PRKCZ: variants seen among roughly 807,000 people sequenced by gnomAD.
PRKCZ encodes protein kinase C zeta, also known as protein kinase C zeta type.
A neutral mutation model predicts 79.5 loss-of-function variants in PRKCZ; 33 were observed. The observed-to-expected ratio is 0.41, with a 90% confidence interval of 0.31 to 0.55. The LOEUF (loss-of-function observed/expected upper bound fraction) is 0.55. Among genes scored for constraint, PRKCZ ranks in the 20% least tolerant of loss-of-function variants. The pLI, the probability that PRKCZ is intolerant of heterozygous loss-of-function variation, is 0.19. For missense variants in PRKCZ, 578 were observed against 813.5 expected (o/e 0.71, Z 3.52); for synonymous variants, 342 against 320.9 (o/e 1.07, Z -0.70).
At position 2,174,107 on chromosome 1, in the gene PRKCZ, C is replaced by T. The variant is rs1684990351; in HGVS notation, c.1405+91C>T. The T allele has an allele frequency of 6.9e-6, 10 of 1,444,960 alleles. No homozygotes were observed. The highest frequency in any genetic ancestry group is 2.9e-5 in the African/African-American group (2 of 69,360). The allele number at this position is 1,444,960 out of a possible 1,614,324, so 89.5% of individuals were successfully genotyped here. ...GCAGGTGGAGGGGTCCCGCGGGTGCCTGGAGCGGCAGTGCCATGCAAAGCG... is the reference window on the plus strand; with the variant it reads ...GCAGGTGGAGGGGTCCCGCGGGTGCTTGGAGCGGCAGTGCCATGCAAAGCG... On this transcript the variant is annotated intron_variant, in intron 14 of 17. Transcript: ENST00000378567. The surrounding 1 kb of genome is among the most constrained non-coding windows in gnomAD (Gnocchi z 6.2).
In PRKCZ at chr1:2,185,149, G is replaced by A. The variant is rs906500487; in HGVS notation, c.*140G>A. ...TTGCGCCGAGACCGCAGAGGGAAGC[G>A]TCAGCGGGCGCTGCTGGGAGCAGAA... On this transcript the variant is annotated 3_prime_UTR_variant, in exon 18 of 18. Coordinates refer to ENST00000378567, the MANE Select transcript of PRKCZ (RefSeq NM_002744.6). The A allele has an allele frequency of 1.6e-5, 13 of 833,798 alleles. No individual in the cohort carries two copies. The highest frequency in any genetic ancestry group is 8.0e-5 in the East Asian group (3 of 37,680). The allele number at this position is 833,798 out of a possible 1,614,324, so 51.6% of individuals were successfully genotyped here. A position where few individuals can be genotyped will look rare whatever the true frequency, so the allele number is the denominator to read the frequency against.
chr1:2,119,213 C>CTTTT (rs201938015), intron 4 of PRKCZ, among the ~76,000 whole-genome samples: 6 of 126,432 alleles, frequency 4.7e-5, no homozygotes, highest in South Asian at 2.5e-4. Context: ...TTATTTTTTC[C>CTTTT]TTTTTTTTTT....
At chr1:2,134,275 A>C (rs897660225) in intron 4 of PRKCZ, among the ~76,000 whole-genome samples, 20 of 152,214 alleles carry the variant, frequency 1.3e-4, no homozygotes, top group African/African-American at 4.8e-4. Context: ...GCCTGATTTC[A>C]GCAGTTTCCA....
intron 4 of PRKCZ, among the ~76,000 whole-genome samples, chr1:2,066,032 A>T (rs56136180): frequency 6.6e-6 from 1 of 151,992 alleles, no homozygotes; most frequent in Admixed American, 6.6e-5. Flanking sequence ...AATTTTCTTG[A>T]TATGCTGCCG....
intron 4 of PRKCZ, among the ~76,000 whole-genome samples, chr1:2,133,420 C>G (rs1431663705): frequency 1.3e-5 from 2 of 150,628 alleles, no homozygotes; most frequent in East Asian, 3.9e-4. Context: ...GCGTCCGTTC[C>G]TCAGCTCAGT....
intron 4 of PRKCZ, among the ~76,000 whole-genome samples, chr1:2,066,805 C>T (rs527532349): frequency 6.6e-6 from 1 of 152,272 alleles, no homozygotes; most frequent in East Asian, 1.9e-4. Flanking sequence ...CTTGTAATCT[C>T]AGTGTTTTGG....
chr1:2,101,012 A>G (rs1439517381), intron 4 of PRKCZ, among the ~76,000 whole-genome samples: 8 of 96,924 alleles, frequency 8.3e-5, no homozygotes, highest in African/African-American at 2.7e-4. Context: ...AAGACAATTT[A>G]TTTTGTTAAA....
chr1:2,158,395 G>T (rs1209776385), intron 10 of PRKCZ, among the ~76,000 whole-genome samples: 1 of 152,200 alleles, frequency 6.6e-6, no homozygotes, highest in Non-Finnish European at 1.5e-5. Context: ...CCAGGCCCCA[G>T]TGCCCCATCG....
intron 4 of PRKCZ, among the ~76,000 whole-genome samples, chr1:2,065,731 T>C (rs1661076318): frequency 6.6e-6 from 1 of 151,670 alleles, no homozygotes; most frequent in African/African-American, 2.4e-5. Flanking sequence ...CCTGCCTTTG[T>C]CCTGATTGTC....
chr1:2,153,084 G>A (rs1455902227), intron 9 of PRKCZ, among the ~76,000 whole-genome samples: 4 of 152,332 alleles, frequency 2.6e-5, no homozygotes, highest in South Asian at 4.1e-4. Flanking sequence ...CAGCCGCGCC[G>A]TTTCACCTCC....
At chr1:2,079,980 G>A (rs1389286870) in intron 4 of PRKCZ, among the ~76,000 whole-genome samples, 1 of 152,196 alleles carries the variant, frequency 6.6e-6, no homozygotes, top group African/African-American at 2.4e-5. Context: ...AAGGGGGTCT[G>A]GGGGTCGACT....
Position 2,148,919 on chromosome 1 carries a change from T to C in PRKCZ, c.682T>C (p.Ser228Pro), listed in dbSNP as rs1162890348. 1 of 1,613,756 alleles carries C rather than the reference T, an allele frequency of 6.2e-7. No individual in the cohort carries two copies. Among genetic ancestry groups the C allele is most frequent in the Non-Finnish European group, 8.5e-7 (1 of 1,179,826 alleles). ...GAAGCATGACAGCATTAAAGACGAC[T>C]CGGAGGTGAGTGTGTGGAGCAGCTC... Reference protein sequence around the residue: ...SRKHDSIKDDSEDLKPVIDGM... With the variant: ...SRKHDSIKDDPEDLKPVIDGM... The change falls in exon 8 of 18, where the codon TCG becomes CCG. Residue 228 changes from serine (S) to proline (P), a missense_variant. Physicochemically the swap from Ser to Pro is moderately conservative, Grantham distance 74 (BLOSUM62 -1). Transcript: ENST00000378567.
chr1:2,109,748 C>T (rs1177602175), intron 4 of PRKCZ, among the ~76,000 whole-genome samples: 1 of 152,160 alleles, frequency 6.6e-6, no homozygotes, highest in Non-Finnish European at 1.5e-5. Context: ...TACAGCCCAG[C>T]CTGTAGAGGC....
intron 1 of PRKCZ, among the ~76,000 whole-genome samples, chr1:2,055,063 C>G (rs1660033898): frequency 6.6e-6 from 1 of 152,030 alleles, no homozygotes; most frequent in Non-Finnish European, 1.5e-5. Context: ...TTGCCTCAGC[C>G]TCCCGAGTAG....
intron 4 of PRKCZ, among the ~76,000 whole-genome samples, chr1:2,085,427 T>C (rs1272156141): frequency 6.6e-6 from 1 of 152,276 alleles, no homozygotes; most frequent in Non-Finnish European, 1.5e-5. Flanking sequence ...GATACCAGGC[T>C]TGACTTTACT....
Position 2,093,902 on chromosome 1 carries a change from T to C in PRKCZ, c.334+34311T>C, listed in dbSNP as rs373208720. Among the ~76,000 whole-genome samples, 1,366 of 152,192 alleles carry C rather than the reference T, an allele frequency of 9.0e-3. 34 individuals carry two copies. Among genetic ancestry groups the C allele is most frequent in the African/African-American group, 0.031 (1,287 of 41,492 alleles). On this transcript the variant is annotated intron_variant, in intron 4 of 17. Coordinates refer to ENST00000378567, the MANE Select transcript of PRKCZ (RefSeq NM_002744.6). ...ACGTGGAGGTCCGCGGCCGTCAGCG[T>C]TGCAGCCCTTGGCCGGGCACTAAGG...
At position 2,121,632 on chromosome 1, in the gene PRKCZ, ACAGTG is replaced by A. The variant is rs1557612479; in HGVS notation, c.335-13629_335-13625del. 1.3e-3 allele frequency among the ~76,000 whole-genome samples: 29 copies of A among 22,076 alleles called. 4 individuals carry two copies. Among genetic ancestry groups the A allele is most frequent in the African/African-American group, 3.6e-3 (22 of 6,064 alleles). The allele number at this position is 22,076 out of a possible 152,430, so 14.5% of individuals were successfully genotyped here. On this transcript the variant is annotated intron_variant, in intron 4 of 17. Transcript: ENST00000378567. ...TAGGGTCATGGTGGTGGTTAGGGTC[ACAGTG>A]GTAGTTAGGGTCACGGTGGTGGTTA...
In PRKCZ at chr1:2,144,234, G is replaced by C. The variant is rs775001561; in HGVS notation, c.445G>C (p.Glu149Gln). The change falls in exon 6 of 18, where the codon GAG becomes CAG. Residue 149 changes from glutamate (E) to glutamine (Q), a missense_variant. This residue lies in a region of PRKCZ where 228 missense variants were observed against 211.6 expected (regional missense o/e 1.08). Transcript: ENST00000378567. ...GAGAGCGTACTGCGGTCAGTGCAGCGAGAGGATATGGGGCCTCGCGAGGCA... is the reference window on the plus strand; with the variant it reads ...GAGAGCGTACTGCGGTCAGTGCAGCCAGAGGATATGGGGCCTCGCGAGGCA... ...NRRAYCGQCS[E>Q]RIWGLARQGY... 2.6e-6 allele frequency: 4 copies of C among 1,553,074 alleles called. No homozygotes were observed. Among genetic ancestry groups the C allele is most frequent in the Non-Finnish European group, 3.5e-6 (4 of 1,147,532 alleles).
At chr1:2,158,422 G>A (rs566184622) in intron 10 of PRKCZ, among the ~76,000 whole-genome samples, 51 of 152,324 alleles carry the variant, frequency 3.3e-4, no homozygotes, top group Middle Eastern at 3.4e-3. Flanking sequence ...TCAGCGTGGC[G>A]CCCTCGCCCG....
Sources: allele counts gnomAD v4.1 joint callset (sites outside exome capture counted in the v4.1 genomes callset), GRCh38; gene constraint gnomAD v4.1.1; regional missense constraint gnomAD v4.1.1; non-coding constraint Gnocchi (gnomAD v3.1); transcripts MANE v1.5; gene names NCBI Gene and HGNC (gene_info 2026-07-23, HGNC 2026-07-21).